The following EYA1 variants were observed in gnomAD, a reference collection of about 807,000 sequenced individuals.
EYA1 encodes the protein protein phosphatase EYA1.
A neutral mutation model predicts 82.0 loss-of-function variants in EYA1; 16 were observed. The observed-to-expected ratio is 0.20, with a 90% CI of 0.13 to 0.30. EYA1 has a LOEUF of 0.30. EYA1 is among the 10% of genes least tolerant of loss of function. The pLI is 1.00. For synonymous variants in EYA1, 261 were observed against 264.4 expected (o/e 0.99, Z 0.12); for missense variants, 633 against 730.7 (o/e 0.87, Z 1.54).
intron 2 of EYA1, among the ~76,000 whole-genome samples, chr8:71,503,950 G>T (rs542732303): frequency 1.3e-5 from 2 of 152,122 alleles, no homozygotes; most frequent in African/African-American, 2.4e-5. Flanking sequence ...CTGGAATGGT[G>T]GGGGGTGGTC....
chr8:71,209,261 G>A (rs1387472389), intron 17 of EYA1, among the ~76,000 whole-genome samples: 1 of 152,232 alleles, frequency 6.6e-6, no homozygotes, highest in African/African-American at 2.4e-5. Context: ...ATTGTGTTTT[G>A]AGGATTCTGA....
At chr8:71,443,506 C>CCT (rs1444303864) in intron 2 of EYA1, among the ~76,000 whole-genome samples, 2 of 152,130 alleles carry the variant, frequency 1.3e-5, no homozygotes, top group African/African-American at 4.8e-5. Context: ...GTCTTGAACC[C>CCT]CTGGCTTCGG....
At chr8:71,253,307 G>A (rs1813973122) in intron 11 of EYA1, among the ~76,000 whole-genome samples, 1 of 151,922 alleles carries the variant, frequency 6.6e-6, no homozygotes, top group Non-Finnish European at 1.5e-5. Flanking sequence ...CATGTGACTT[G>A]GACTGTGCCC....
intron 2 of EYA1, among the ~76,000 whole-genome samples, chr8:71,521,678 C>A (rs944969078): frequency 1.3e-5 from 2 of 152,202 alleles, no homozygotes; most frequent in African/African-American, 4.8e-5. Context: ...AAACATACTT[C>A]TTTTTTCCCC....
At chr8:71,515,368 A>G (rs1258470963) in intron 2 of EYA1, among the ~76,000 whole-genome samples, 1 of 151,988 alleles carries the variant, frequency 6.6e-6, no homozygotes, top group Non-Finnish European at 1.5e-5. Context: ...CTGGACCCCA[A>G]CTCTAAGAGA....
chr8:71,216,038 T>A (rs1262589666), intron 14 of EYA1, among the ~76,000 whole-genome samples: 4 of 152,114 alleles, frequency 2.6e-5, no homozygotes, highest in African/African-American at 9.7e-5. Context: ...TTGGAACTTT[T>A]GCTGAATCTA....
intron 9 of EYA1, among the ~76,000 whole-genome samples, chr8:71,292,069 T>A (rs1819060902): frequency 6.6e-6 from 1 of 152,150 alleles, no homozygotes; most frequent in East Asian, 1.9e-4. Flanking sequence ...TATCATATGA[T>A]AAAAATGGTT....
chr8:71,522,295 G>A (rs1156256172), intron 2 of EYA1, among the ~76,000 whole-genome samples: 1 of 152,110 alleles, frequency 6.6e-6, no homozygotes, highest in African/African-American at 2.4e-5. Context: ...CTAAATCTCA[G>A]CAGTGGAAAG....
intron 11 of EYA1, among the ~76,000 whole-genome samples, chr8:71,262,656 T>A (rs1244752163): frequency 6.6e-6 from 1 of 152,182 alleles, no homozygotes; most frequent in African/African-American, 2.4e-5. Flanking sequence ...TTTATATTCA[T>A]GAACAAGAAC....
chr8:71,437,811 T>C (rs1806120118), intron 2 of EYA1, among the ~76,000 whole-genome samples: 1 of 151,422 alleles, frequency 6.6e-6, no homozygotes, highest in Non-Finnish European at 1.5e-5. Flanking sequence ...AGACTACATA[T>C]TGAAAAAAAA....
chr8:71,203,493 G>A (rs1215433559), intron 17 of EYA1, among the ~76,000 whole-genome samples: 2 of 152,196 alleles, frequency 1.3e-5, no homozygotes, highest in Admixed American at 1.3e-4. Flanking sequence ...AGCTGAATTT[G>A]AAGAATGGGT....
At chr8:71,266,860 T>C (rs1446917445) in intron 11 of EYA1, among the ~76,000 whole-genome samples, 1 of 152,206 alleles carries the variant, frequency 6.6e-6, no homozygotes, top group Non-Finnish European at 1.5e-5. Flanking sequence ...AATATACGAC[T>C]ATTTTCTCAG....
chr8:71,486,837 A>G (rs553172858), intron 2 of EYA1, among the ~76,000 whole-genome samples: 2 of 151,978 alleles, frequency 1.3e-5, no homozygotes, highest in African/African-American at 4.8e-5. Context: ...AATGAATATT[A>G]GAGATCCCAG....
intron 1 of EYA1, among the ~76,000 whole-genome samples, chr8:71,358,060 T>C (rs1827056708): frequency 6.6e-6 from 1 of 152,140 alleles, no homozygotes; most frequent in Non-Finnish European, 1.5e-5. Flanking sequence ...GGCTTAATTA[T>C]GTGAAAGAGT....
At chr8:71,479,709 T>TATA (rs35984767) in intron 2 of EYA1, among the ~76,000 whole-genome samples, 1 of 150,094 alleles carries the variant, frequency 6.7e-6, no homozygotes. Flanking sequence ...TATAATTCTA[T>TATA]GGCCCAAGCA....
chr8:71,295,086 T>G (rs897142483), intron 9 of EYA1, among the ~76,000 whole-genome samples: 3 of 152,100 alleles, frequency 2.0e-5, no homozygotes, highest in African/African-American at 7.2e-5. Flanking sequence ...AAAAATTAAT[T>G]CAAAATGTGT....
chr8:71,235,902 A>G (rs1194535052), intron 12 of EYA1, among the ~76,000 whole-genome samples: 1 of 152,240 alleles, frequency 6.6e-6, no homozygotes, highest in Non-Finnish European at 1.5e-5. Context: ...TGTCATAGAC[A>G]TTAAATCAGG....
At chr8:71,387,335 G>A (rs1422465073) in intron 2 of EYA1, among the ~76,000 whole-genome samples, 1 of 152,154 alleles carries the variant, frequency 6.6e-6, no homozygotes, top group Non-Finnish European at 1.5e-5. Flanking sequence ...ATATGCAGAT[G>A]GGTGTTGACA....
intron 2 of EYA1, among the ~76,000 whole-genome samples, chr8:71,500,002 G>A (rs1010832922): frequency 7.2e-5 from 11 of 152,122 alleles, no homozygotes; most frequent in Admixed American, 1.3e-4. Context: ...TGATGGGGCT[G>A]GATAGTAAAA....
Sources: gnomAD v4.1 joint callset for allele counts (sites outside exome capture counted in the v4.1 genomes callset) on GRCh38, gnomAD v4.1.1 for gene constraint, MANE v1.5 for transcripts, NCBI Gene and HGNC (gene_info 2026-07-23, HGNC 2026-07-21) for gene names.